CTNNA3: variants seen among roughly 807,000 people sequenced by gnomAD.
The protein encoded by CTNNA3 is catenin alpha-3.
Under a neutral mutation model 95.7 loss-of-function variants are expected in CTNNA3, and 76 were observed. That is an observed-to-expected ratio of 0.79 (90% CI 0.66 to 0.96). The LOEUF is 0.96. Ranked by LOEUF, CTNNA3 falls within the 40% of genes least tolerant of loss-of-function variation. The probability of loss-of-function intolerance (pLI) is 0.00; values close to 1 mark genes in which losing one functional copy is unlikely to be tolerated. For synonymous variants in CTNNA3, 431 were observed against 374.4 expected, an observed-to-expected ratio of 1.15 and a Z score of -1.74; for missense variants, 1,191 against 1,089.8, an observed-to-expected ratio of 1.09 and a Z score of -1.31.
chr10:67,288,383 G>C (rs1003476289), intron 5 of CTNNA3, among the ~76,000 whole-genome samples: 1 of 152,118 alleles, frequency 6.6e-6, no homozygotes, highest in African/African-American at 2.4e-5. Context: ...CCAACAAGTA[G>C]CCTAGCACCA....
At chr10:66,133,383 C>T (rs1272930447) in intron 13 of CTNNA3, among the ~76,000 whole-genome samples, 1 of 151,926 alleles carries the variant, frequency 6.6e-6, no homozygotes, top group Admixed American at 6.6e-5. Context: ...GGCGTGGTGG[C>T]AGCCGCCTGT....
At chr10:66,354,140 TG>T (rs2092589098) in intron 12 of CTNNA3, among the ~76,000 whole-genome samples, 1 of 151,922 alleles carries the variant, frequency 6.6e-6, no homozygotes, top group African/African-American at 2.4e-5. Context: ...AACAATTAGC[TG>T]GGCATGGTGG....
chr10:66,221,773 A>G (rs1459826436), intron 13 of CTNNA3, among the ~76,000 whole-genome samples: 1 of 152,238 alleles, frequency 6.6e-6, no homozygotes, highest in African/African-American at 2.4e-5. Flanking sequence ...GAATGTATTA[A>G]CAAGGCAATG....
At chr10:66,343,152 G>A (rs899184073) in intron 12 of CTNNA3, among the ~76,000 whole-genome samples, 4 of 152,000 alleles carry the variant, frequency 2.6e-5, no homozygotes, top group Non-Finnish European at 5.9e-5. Flanking sequence ...CAGCCACTAT[G>A]GAGAAGGGTA....
intron 9 of CTNNA3, among the ~76,000 whole-genome samples, chr10:66,682,811 A>G (rs1219035198): frequency 6.6e-6 from 1 of 152,186 alleles, no homozygotes; most frequent in Non-Finnish European, 1.5e-5. Context: ...GCAACATTAA[A>G]GAATACATTT....
At chr10:66,043,727 C>A (rs532569614) in intron 15 of CTNNA3, among the ~76,000 whole-genome samples, 1 of 152,198 alleles carries the variant, frequency 6.6e-6, no homozygotes, top group South Asian at 2.1e-4. Context: ...ATGTTTTCAC[C>A]TGTGGACCGC....
rs145942227 is a variant in CTNNA3 at position 66,734,193 on chromosome 10, T to C, written c.1281+32071A>G. Among the ~76,000 whole-genome samples the C allele has an allele frequency of 3.9e-5, 6 of 152,172 alleles. No homozygotes were observed. In the East Asian group the frequency reaches 1.2e-3, roughly 29 times the overall value. On this transcript the variant is annotated intron_variant, in intron 9 of 17. Coordinates refer to ENST00000433211, the MANE Select transcript of CTNNA3 (RefSeq NM_013266.4). ...TTTTTAAAGAAACTTCTTTTACTTA[T>C]TGAATTTTATTACTCATTCCAAAAA...
At chr10:67,750,688 G>A (rs1262013293) in intron 1 of CTNNA3, 1 of 1,555,706 alleles carries the variant, frequency 6.4e-7, no homozygotes, top group Non-Finnish European at 8.9e-7. Context: ...CGGTGGAAAA[G>A]CAATGTTCTT....
At chr10:66,953,188 C>G (rs946916960) in intron 7 of CTNNA3, among the ~76,000 whole-genome samples, 3 of 152,152 alleles carry the variant, frequency 2.0e-5, no homozygotes, top group Non-Finnish European at 4.4e-5. Context: ...TTAGTTCCCT[C>G]AAGATCTTTC....
chr10:66,185,964 T>C (rs1292641685), intron 13 of CTNNA3, among the ~76,000 whole-genome samples: 2 of 151,952 alleles, frequency 1.3e-5, no homozygotes, highest in Non-Finnish European at 2.9e-5. Flanking sequence ...TACACATATA[T>C]ATACACGGAT....
intron 9 of CTNNA3, among the ~76,000 whole-genome samples, chr10:66,695,849 C>CTT (rs1847739283): frequency 7.3e-6 from 1 of 137,466 alleles, no homozygotes. Context: ...ATCCTGGGGT[C>CTT]TTTTTGTATG....
intron 10 of CTNNA3, among the ~76,000 whole-genome samples, chr10:66,608,468 C>A (rs1451728643): frequency 6.6e-6 from 1 of 151,934 alleles, no homozygotes; most frequent in East Asian, 1.9e-4. Context: ...TCATATGGAA[C>A]AAAAAGAGCC....
At position 67,073,500 on chromosome 10, in the gene CTNNA3, C is replaced by T. The variant is rs138693473; in HGVS notation, c.1047+106817G>A. Among the ~76,000 whole-genome samples, 306 of 152,004 alleles carry T rather than the reference C, an allele frequency of 2.0e-3. 1 individual carries two copies. Among genetic ancestry groups the T allele is most frequent in the South Asian group, 0.01 (49 of 4,808 alleles). On this transcript the variant is annotated intron_variant, in intron 7 of 17. Transcript: ENST00000433211. Reference sequence around the variant, plus strand: ...GATCATCATCTTCAGTAAAAACTCTCGTTTGTCAACATCCCTCTTAAACAA... The same window carrying T: ...GATCATCATCTTCAGTAAAAACTCTTGTTTGTCAACATCCCTCTTAAACAA...
intron 7 of CTNNA3, among the ~76,000 whole-genome samples, chr10:66,986,717 G>A (rs1850748399): frequency 6.6e-6 from 1 of 151,974 alleles, no homozygotes. Context: ...AGGCTAATCA[G>A]GTTGATTTAT....
intron 11 of CTNNA3, among the ~76,000 whole-genome samples, chr10:66,427,137 C>T (rs1167134084): frequency 6.6e-6 from 1 of 151,842 alleles, no homozygotes; most frequent in East Asian, 1.9e-4. Context: ...TAACTCTACC[C>T]TTTAGTTGCA....
chr10:66,791,811 A>G (rs7358201), intron 7 of CTNNA3, among the ~76,000 whole-genome samples: 129,834 of 152,142 alleles, frequency 0.85, 55,951 homozygotes, highest in East Asian at 1. Context: ...AGGTTTTCTC[A>G]TCAGAGTTAG....
chr10:67,022,446 C>T (rs1853082203), intron 7 of CTNNA3, among the ~76,000 whole-genome samples: 1 of 151,888 alleles, frequency 6.6e-6, no homozygotes, highest in Admixed American at 6.6e-5. Flanking sequence ...TTGGCTACTC[C>T]AAGATGACCC....
intron 12 of CTNNA3, among the ~76,000 whole-genome samples, chr10:66,335,960 C>T (rs550600973): frequency 2.6e-4 from 40 of 152,232 alleles, no homozygotes; most frequent in African/African-American, 9.1e-4. Context: ...CTTGCTGCTG[C>T]CTTGCAGTTT....
intron 13 of CTNNA3, among the ~76,000 whole-genome samples, chr10:66,208,598 G>T (rs890491530): frequency 2.0e-5 from 3 of 151,812 alleles, no homozygotes; most frequent in Non-Finnish European, 2.9e-5. Context: ...TCAAGAACAC[G>T]CTTGAAAGGA....
Sources: allele counts gnomAD v4.1 joint callset (sites outside exome capture counted in the v4.1 genomes callset), GRCh38; gene constraint gnomAD v4.1.1; transcripts MANE v1.5; gene names NCBI Gene and HGNC (gene_info 2026-07-23, HGNC 2026-07-21).